ABCC8: variants seen among roughly 807,000 people sequenced by gnomAD.
The protein encoded by ABCC8 is ATP binding cassette subfamily C member 8, also known as ATP-binding cassette sub-family C member 8.
In ABCC8, 137 loss-of-function variants were observed where a neutral mutation model predicts 188.0. The ratio of observed to expected loss-of-function variants is 0.73; its 90% confidence interval spans 0.63 to 0.84. The LOEUF is 0.84. Among genes scored for constraint, ABCC8 ranks in the 40% least tolerant of loss-of-function variants. The pLI is 0.00. For synonymous variants in ABCC8, 797 were observed against 846.5 expected, an observed-to-expected ratio of 0.94 and a Z score of 1.01; for missense variants, 1,750 against 2,072.7, an observed-to-expected ratio of 0.84 and a Z score of 3.02.
At chr11:17,412,821 G>C in intron 20 of ABCC8, 75 bp from the exon 21 acceptor site, 1 of 1,554,582 alleles carries the variant, frequency 6.4e-7, no homozygotes. Flanking sequence ...ACTGGACTAT[G>C]AGCTCTTTGG....
chr11:17,397,140 C>T, intron 32 of ABCC8, 53 bp downstream of exon 32: 3 of 1,613,430 alleles, frequency 1.9e-6, no homozygotes, highest in Non-Finnish European at 2.5e-6. Flanking sequence ...GGCCCCCAAC[C>T]CAGACACACT....
Position 17,448,334 on chromosome 11 carries a change from G to A in ABCC8, c.1332+182C>T, listed in dbSNP as rs547925809. The A allele has an allele frequency of 4.6e-6, 3 of 648,124 alleles. No homozygotes were observed. In the African/African-American group the frequency reaches 5.4e-5, roughly 12 times the overall value. The allele number at this position is 648,124 out of a possible 1,614,324, so 40.1% of individuals were successfully genotyped here. The stretch of plus-strand genomic sequence containing the variant: ...CTCTGGTCATTAAGAGAGATGGTCA[G>A]TGCTTGCAGAGTATGGGACAGGAGG... On this transcript the variant is annotated intron_variant, in intron 8 of 38. Transcript: ENST00000389817.
At position 17,401,461 on chromosome 11, in the gene ABCC8, TG is replaced by T. The variant is rs1954238973; in HGVS notation, c.3650+1199del. Among the ~76,000 whole-genome samples the T allele has an allele frequency of 3.3e-5, 5 of 152,006 alleles. No individual in the cohort carries two copies. In the South Asian group the frequency reaches 1.0e-3, roughly 32 times the overall value. ...TCCACTGGCCCTAGGTGCTCCAGGGTGGGCAGAGGGGCCTGGATACCTCTCC... is the reference window on the plus strand; with the variant it reads ...TCCACTGGCCCTAGGTGCTCCAGGGTGGCAGAGGGGCCTGGATACCTCTCC... On this transcript the variant is annotated intron_variant, in intron 29 of 38. Coordinates refer to ENST00000389817, the MANE Select transcript of ABCC8 (RefSeq NM_000352.6).
chr11:17,432,790 C>T (rs1266003035), intron 10 of ABCC8, among the ~76,000 whole-genome samples: 1 of 152,120 alleles, frequency 6.6e-6, no homozygotes, highest in African/African-American at 2.4e-5. Flanking sequence ...AGCTGGTTTG[C>T]TGCAACAGAG....
Position 17,415,354 on chromosome 11 carries a change from GA to G in ABCC8, c.2256-16del, listed in dbSNP as rs774508952. 82 of 1,609,476 alleles carry G rather than the reference GA, an allele frequency of 5.1e-5. No individual in the cohort carries two copies. The African/African-American group carries it at 9.5e-4, about 19-fold the overall frequency. The stretch of plus-strand genomic sequence containing the variant: ...CCCGCTCTGGGCTGCAGCAGGGGAG[GA>G]AAGGCATACTGAGCTCTCATGGGAG... On this transcript the variant is annotated splice_polypyrimidine_tract_variant and intron_variant, in intron 17 of 38. Transcript: ENST00000389817.
At chr11:17,422,118 G>A (rs1316207966) in intron 16 of ABCC8, among the ~76,000 whole-genome samples, 1 of 152,220 alleles carries the variant, frequency 6.6e-6, no homozygotes, top group Non-Finnish European at 1.5e-5. Context: ...GAGGTGTGGA[G>A]TTCCTGCCAG....
At chr11:17,402,774 G>A (rs756125072) in intron 28 of ABCC8, 21 bp from the exon 29 acceptor site, 2 of 1,613,990 alleles carry the variant, frequency 1.2e-6, no homozygotes, top group East Asian at 2.2e-5. Context: ...GAACAGAGTG[G>A]AACAGTTAAG....
At chr11:17,458,308 C>T (rs78187424) in intron 6 of ABCC8, among the ~76,000 whole-genome samples, 2,218 of 152,300 alleles carry the variant, frequency 0.015, 25 homozygotes, top group Non-Finnish European at 0.023. Context: ...TCCAATGAGA[C>T]GGTAATAAAC....
intron 35 of ABCC8, 85 bp downstream of exon 35, chr11:17,395,525 C>A: frequency 6.6e-7 from 1 of 1,519,306 alleles, no homozygotes; most frequent in Non-Finnish European, 8.8e-7. Context: ...CCTGGTCTCC[C>A]CCAACCCCCT....
chr11:17,400,756 T>C (rs1954198871), intron 29 of ABCC8, among the ~76,000 whole-genome samples: 1 of 152,206 alleles, frequency 6.6e-6, no homozygotes, highest in African/African-American at 2.4e-5. Context: ...TTACCCAGCC[T>C]CTCTGGGTCT....
intron 16 of ABCC8, among the ~76,000 whole-genome samples, chr11:17,421,622 C>T (rs1459296668): frequency 6.6e-6 from 1 of 152,186 alleles, no homozygotes; most frequent in East Asian, 1.9e-4. Context: ...AAGAAGTACA[C>T]TATTGAATAA....
chr11:17,405,512 G>T lies in ABCC8; in HGVS notation c.3381C>A (p.Asp1127Glu), dbSNP rs770309300. ...TCTGTACCTGGTCGATGGTGTTACA[G>T]TCAGATGAAAATCTGTTCAGGATGC... ...LGSILNRFSS[D>E]CNTIDQHIPS... Residue 1127 changes from aspartate (D) to glutamate (E), a missense_variant, in exon 27 of 39, where the codon GAC becomes GAA. By Grantham distance (45) the Asp-to-Glu change is conservative. Transcript: ENST00000389817. 6.2e-7 allele frequency: 1 copy of T among 1,614,244 alleles called. No homozygotes were observed. The highest frequency in any genetic ancestry group is 2.2e-5 in the East Asian group (1 of 44,888).
intron 33 of ABCC8, 82 bp from the exon 34 acceptor site, chr11:17,396,012 C>A (rs1953908833): frequency 3.2e-6 from 5 of 1,544,792 alleles, no homozygotes; most frequent in African/African-American, 1.4e-5. Context: ...GGTGTGTGTG[C>A]AGGTGTGGGA....
chr11:17,408,245 G>T, intron 23 of ABCC8, 147 bp downstream of exon 23: 1 of 754,986 alleles, frequency 1.3e-6, no homozygotes, highest in Non-Finnish European at 2.2e-6. Flanking sequence ...CTCTCCTCTG[G>T]TAGGAGCCAG....
intron 12 of ABCC8, 51 bp downstream of exon 12, chr11:17,430,763 G>T: frequency 6.3e-7 from 1 of 1,586,860 alleles, no homozygotes; most frequent in Non-Finnish European, 8.7e-7. Context: ...AAGCCTTGAG[G>T]CTGACACAGG....
At chr11:17,453,348 C>T (rs1025654797) in intron 6 of ABCC8, 65 bp from the exon 7 acceptor site, 2 of 1,599,894 alleles carry the variant, frequency 1.3e-6, no homozygotes, top group African/African-American at 2.7e-5. Context: ...TAGAACACAT[C>T]ACTGTGCCAT....
chr11:17,404,698 G>A lies in ABCC8; in HGVS notation c.3400-29C>T. Reference sequence around the variant, plus strand: ...AGGGAGACGAGGGGGAGAGAGTGAGGTGAATTTTGGTATTGACTGTGTTTA... The same window carrying A: ...AGGGAGACGAGGGGGAGAGAGTGAGATGAATTTTGGTATTGACTGTGTTTA... On this transcript the variant is annotated intron_variant, in intron 27 of 38. Transcript: ENST00000389817. This position sits in a 1 kb window ranked among gnomAD's most constrained non-coding sequence, Gnocchi z 4.7. 6.3e-7 allele frequency: 1 copy of A among 1,577,562 alleles called. No homozygotes were observed. The highest frequency in any genetic ancestry group is 8.6e-7 in the Non-Finnish European group (1 of 1,162,012).
intron 16 of ABCC8, among the ~76,000 whole-genome samples, chr11:17,423,802 G>T (rs1955460919): frequency 6.6e-6 from 1 of 152,184 alleles, no homozygotes; most frequent in Non-Finnish European, 1.5e-5. Flanking sequence ...TGGACTGTCA[G>T]GCTAGCTATG....
intron 10 of ABCC8, among the ~76,000 whole-genome samples, chr11:17,441,579 T>A (rs1444358119): frequency 1.3e-5 from 2 of 152,068 alleles, no homozygotes; most frequent in African/African-American, 4.8e-5. Context: ...AGGGAACTAG[T>A]GTGAAGTCAG....
Sources: allele counts gnomAD v4.1 joint callset (sites outside exome capture counted in the v4.1 genomes callset), GRCh38; gene constraint gnomAD v4.1.1; non-coding constraint Gnocchi (gnomAD v3.1); transcripts MANE v1.5; gene names NCBI Gene and HGNC (gene_info 2026-07-23, HGNC 2026-07-21).